Variants in PTPRT observed in about 807,000 individuals in gnomAD.
PTPRT encodes the protein protein tyrosine phosphatase receptor type T.
PTPRT carries 56 observed loss-of-function variants against 176.8 expected under a neutral mutation model. That is an observed-to-expected ratio of 0.32 (90% confidence interval 0.26 to 0.40). The LOEUF (loss-of-function observed/expected upper bound fraction) is 0.40, where lower values mean the gene tolerates loss of function less well. PTPRT is among the 10% of genes least tolerant of loss of function. PTPRT has a pLI of 1.00. For missense variants in PTPRT, 1,540 were observed against 1,908.2 expected (o/e 0.81, Z 3.60); for synonymous variants, 783 against 739.0 (o/e 1.06, Z -0.96).
At chr20:43,155,040 A>C (rs2014478154) in intron 1 of PTPRT, among the ~76,000 whole-genome samples, 3 of 152,194 alleles carry the variant, frequency 2.0e-5, no homozygotes, top group Admixed American at 2.0e-4. Context: ...CATCAAAATG[A>C]CGAAAGAGAA....
At chr20:42,552,310 C>T (rs952453928) in intron 7 of PTPRT, among the ~76,000 whole-genome samples, 1 of 152,112 alleles carries the variant, frequency 6.6e-6, no homozygotes, top group Non-Finnish European at 1.5e-5. Flanking sequence ...ACATATGAAG[C>T]ACAGAGCAAA....
At chr20:43,129,074 ACT>A (rs759470618) in intron 1 of PTPRT, among the ~76,000 whole-genome samples, 3 of 152,012 alleles carry the variant, frequency 2.0e-5, no homozygotes, top group Non-Finnish European at 4.4e-5. Context: ...TGTTGTATTC[ACT>A]CTCATCTAGC....
chr20:42,743,397 A>C lies in PTPRT; in HGVS notation c.859+13065T>G, dbSNP rs181838493. 2.6e-5 allele frequency among the ~76,000 whole-genome samples: 4 copies of C among 152,358 alleles called. No individual in the cohort carries two copies. In the East Asian group the frequency reaches 7.7e-4, roughly 29 times the overall value. ...TTAGGGGGGAAAAAAGAAACTTTAA[A>C]GAAGCAAAGAAATCTACCTGCCCAA... On this transcript the variant is annotated intron_variant, in intron 6 of 30. Coordinates refer to ENST00000373187, the MANE Select transcript of PTPRT (RefSeq NM_007050.6).
At chr20:42,330,565 T>G (rs951791669) in intron 11 of PTPRT, among the ~76,000 whole-genome samples, 1 of 151,874 alleles carries the variant, frequency 6.6e-6, no homozygotes, top group African/African-American at 2.4e-5. Context: ...AACAATAACT[T>G]TAAGCAAGTC....
At chr20:42,415,835 C>T (rs939227514) in intron 9 of PTPRT, among the ~76,000 whole-genome samples, 1 of 152,080 alleles carries the variant, frequency 6.6e-6, no homozygotes, top group Admixed American at 6.6e-5. Flanking sequence ...AGGGGTGAAA[C>T]ATTATTGATC....
rs62204912 is a variant in PTPRT at position 42,474,788 on chromosome 20, C to T, written c.1154-2226G>A. Among the ~76,000 whole-genome samples the T allele has an allele frequency of 7.9e-3, 1,206 of 152,276 alleles. 11 individuals are homozygous for T. The highest frequency in any genetic ancestry group is 0.014 in the Middle Eastern group (4 of 294). On this transcript the variant is annotated intron_variant, in intron 7 of 30. Coordinates refer to ENST00000373187, the MANE Select transcript of PTPRT (RefSeq NM_007050.6). ...CCTGGGAAGCCCCGAGCATCCCCAT[C>T]AGCGTTGCCTAGCTGGGGCCTGTCC...
Position 42,427,712 on chromosome 20 carries a change from G to A in PTPRT, c.1560+20508C>T, listed in dbSNP as rs533224196. ...CCATCGCATCCCCTGTGACTTGCAC[G>A]TATACATCCAGATGGCCTGAAGTAA... is the stretch of plus-strand genomic sequence containing the variant. On this transcript the variant is annotated intron_variant, in intron 9 of 30. Transcript: ENST00000373187. Among the ~76,000 whole-genome samples the A allele has an allele frequency of 9.9e-5, 15 of 152,264 alleles. No homozygotes were observed. The South Asian group carries it at 2.3e-3, about 23-fold the overall frequency.
In PTPRT at chr20:43,170,969, G is replaced by A. The variant is rs560646860; in HGVS notation, c.88+18677C>T. Among the ~76,000 whole-genome samples the A allele has an allele frequency of 3.6e-3, 548 of 152,312 alleles. 3 individuals carry two copies. The highest frequency in any genetic ancestry group is 6.2e-3 in the Non-Finnish European group (423 of 68,028). On this transcript the variant is annotated intron_variant, in intron 1 of 30. Transcript: ENST00000373187. ...GGTCTGGAAATGAACATAGCTGGGT[G>A]GAAACCAGGTTTGTCCAGTTAACAG...
At chr20:42,851,318 A>C (rs981195012) in intron 2 of PTPRT, among the ~76,000 whole-genome samples, 1 of 152,190 alleles carries the variant, frequency 6.6e-6, no homozygotes, top group East Asian at 1.9e-4. Context: ...AAGACTCACA[A>C]GGCTCCTTTC....
chr20:43,108,717 T>C (rs974994741), intron 1 of PTPRT, among the ~76,000 whole-genome samples: 2 of 152,002 alleles, frequency 1.3e-5, no homozygotes, highest in African/African-American at 4.8e-5. Flanking sequence ...GCGTGGGGGA[T>C]AGAGGGAGGA....
chr20:42,195,978 A>G (rs1209388446), intron 16 of PTPRT, among the ~76,000 whole-genome samples: 1 of 152,214 alleles, frequency 6.6e-6, no homozygotes, highest in East Asian at 1.9e-4. Context: ...TTTGGCCCAT[A>G]GCGAACAGTG....
At chr20:42,746,937 T>C (rs1457788295) in intron 6 of PTPRT, among the ~76,000 whole-genome samples, 1 of 152,106 alleles carries the variant, frequency 6.6e-6, no homozygotes, top group African/African-American at 2.4e-5. Context: ...TGAAAAGGCA[T>C]TGAAGAAGGC....
At chr20:42,709,633 C>T (rs2076114097) in intron 6 of PTPRT, among the ~76,000 whole-genome samples, 1 of 152,096 alleles carries the variant, frequency 6.6e-6, no homozygotes, top group Non-Finnish European at 1.5e-5. Flanking sequence ...AATGGACTAA[C>T]ACAGAAAATT....
At chr20:43,031,449 G>A (rs1986134434) in intron 1 of PTPRT, among the ~76,000 whole-genome samples, 2 of 152,162 alleles carry the variant, frequency 1.3e-5, no homozygotes, top group Non-Finnish European at 2.9e-5. Context: ...CCTTGATCTT[G>A]GATTTCCCAG....
chr20:42,141,148 C>G (rs1988604431), intron 18 of PTPRT, among the ~76,000 whole-genome samples: 1 of 152,144 alleles, frequency 6.6e-6, no homozygotes, highest in Non-Finnish European at 1.5e-5. Flanking sequence ...ACATGCCTTC[C>G]CCTGCAGGCT....
chr20:42,568,262 C>T (rs950010602), intron 7 of PTPRT, among the ~76,000 whole-genome samples: 9 of 152,008 alleles, frequency 5.9e-5, no homozygotes, highest in African/African-American at 1.4e-4. Flanking sequence ...CCACCGCGCC[C>T]GGCTGAGTTT....
chr20:42,929,161 TA>T (rs1979671003), intron 1 of PTPRT, among the ~76,000 whole-genome samples: 1 of 152,260 alleles, frequency 6.6e-6, no homozygotes, highest in Non-Finnish European at 1.5e-5. Context: ...AATTCTCTCC[TA>T]GGGAGATATT....
At chr20:42,188,160 G>A (rs1048915752) in intron 16 of PTPRT, among the ~76,000 whole-genome samples, 3 of 152,150 alleles carry the variant, frequency 2.0e-5, no homozygotes, top group African/African-American at 7.2e-5. Context: ...GCCCCTTCCT[G>A]TGCTATCTCA....
chr20:43,055,912 A>G (rs1160667962), intron 1 of PTPRT, among the ~76,000 whole-genome samples: 2 of 152,222 alleles, frequency 1.3e-5, no homozygotes, highest in Non-Finnish European at 2.9e-5. Context: ...GCCCAGACTT[A>G]CTGAATCCAC....
Sources: gnomAD v4.1 joint callset for allele counts (sites outside exome capture counted in the v4.1 genomes callset) on GRCh38, gnomAD v4.1.1 for gene constraint, MANE v1.5 for transcripts, NCBI Gene and HGNC (gene_info 2026-07-23, HGNC 2026-07-21) for gene names.